The following RIPK4 variants were observed in gnomAD, a reference collection of about 807,000 sequenced individuals.
RIPK4 encodes receptor-interacting serine/threonine-protein kinase 4.
A neutral mutation model predicts 42.9 loss-of-function variants in RIPK4; 17 were observed. The observed-to-expected ratio is 0.40, with a 90% CI of 0.27 to 0.59. The LOEUF (loss-of-function observed/expected upper bound fraction) is 0.59, where lower values mean the gene tolerates loss of function less well. Ranked by LOEUF, RIPK4 falls within the 20% of genes least tolerant of loss-of-function variation. The probability of loss-of-function intolerance (pLI) is 0.47; values close to 1 mark genes in which losing one functional copy is unlikely to be tolerated. For missense variants in RIPK4, 897 were observed against 1,104.4 expected, an observed-to-expected ratio of 0.81 and a Z score of 2.66; for synonymous variants, 498 against 499.1, an observed-to-expected ratio of 1.00 and a Z score of 0.03.
chr21:41,750,190 C>T lies in RIPK4; in HGVS notation c.623+907G>A, dbSNP rs560944635. ...CAAACCAGTCAGCCTGGGCTGCTGGCGGCGGCAGTGACCAAAAGGCAGAGC... is the reference window on the plus strand; with the variant it reads ...CAAACCAGTCAGCCTGGGCTGCTGGTGGCGGCAGTGACCAAAAGGCAGAGC... On this transcript the variant is annotated intron_variant, in intron 3 of 7. Transcript: ENST00000332512. Among the ~76,000 whole-genome samples the T allele has an allele frequency of 2.4e-4, 36 of 152,294 alleles. 1 individual carries two copies. The South Asian group carries it at 2.7e-3, about 11-fold the overall frequency.
Position 41,749,175 on chromosome 21 carries a change from T to C in RIPK4, c.652A>G (p.Thr218Ala). ...TCACCTGCAAACGGCTTCTTCTGTG[T>C]GAGCACGCCCCAGATGACGATCGCA... ...SFAIVIWGVL[T>A]QKKPFADEKN... The change falls in exon 4 of 8, where the codon ACA (threonine) becomes GCA (alanine). Residue 218 changes from threonine (T) to alanine (A), a missense_variant. Thr to Ala is a moderately conservative substitution (Grantham distance 58, BLOSUM62 0). Coordinates refer to ENST00000332512, the MANE Select transcript of RIPK4 (RefSeq NM_020639.3). 6.2e-7 allele frequency: 1 copy of C among 1,613,886 alleles called. No homozygotes were observed. Among genetic ancestry groups the C allele is most frequent in the African/African-American group, 1.3e-5 (1 of 75,016 alleles).
rs556540129 is a variant in RIPK4, at chr21:41,762,076, C to T, written c.182+4784G>A. Among the ~76,000 whole-genome samples the T allele has an allele frequency of 1.5e-3, 224 of 152,328 alleles. 1 individual carries two copies. The highest frequency in any genetic ancestry group is 5.2e-3 in the African/African-American group (216 of 41,572). ...GCGGATCCCGGCTAGAATCTCCTAA[C>T]GGAGTCCACCCCAGCTTTGCGCAAC... On this transcript the variant is annotated intron_variant, in intron 1 of 7. Coordinates refer to ENST00000332512, the MANE Select transcript of RIPK4 (RefSeq NM_020639.3).
intron 2 of RIPK4, among the ~76,000 whole-genome samples, chr21:41,752,734 T>C (rs887676949): frequency 2.0e-5 from 3 of 152,208 alleles, no homozygotes; most frequent in Admixed American, 2.0e-4. Flanking sequence ...CAGTCATCAG[T>C]GGCTTGAAAG....
chr21:41,746,019 T>G (rs2061169638), intron 5 of RIPK4, 157 bp from the exon 6 acceptor site: 2 of 745,054 alleles, frequency 2.7e-6, no homozygotes, highest in Non-Finnish European at 4.9e-6. Flanking sequence ...ACATGGACAA[T>G]TTGCTGGCCA....
chr21:41,766,949 G>A lies in RIPK4; in HGVS notation c.93C>T (p.Gly31=). 3 of 1,609,208 alleles carry A rather than the reference G, an allele frequency of 1.9e-6. No individual in the cohort carries two copies. Among genetic ancestry groups the A allele is most frequent in the Non-Finnish European group, 2.5e-6 (3 of 1,178,202 alleles). Residue 31 remains glycine (G), a synonymous_variant, in exon 1 of 8, where the codon GGC becomes GGT. Transcript: ENST00000332512. ...GCACCTTGTACACCTGCCCGAAGCC[G>A]CCCGAGCCCACCTTCTCCCAGCCCG... ...EFTGWEKVGS[G]GFGQVYKVRH...
intron 2 of RIPK4, among the ~76,000 whole-genome samples, chr21:41,752,971 A>G (rs1420607234): frequency 6.6e-6 from 1 of 152,214 alleles, no homozygotes; most frequent in Admixed American, 6.5e-5. Context: ...CACATTCTGC[A>G]CATGTATCCC....
rs140853685 is a variant in RIPK4, at chr21:41,741,520, C to A, written c.1673G>T (p.Arg558Leu). 1 of 1,612,436 alleles carries A rather than the reference C, an allele frequency of 6.2e-7. No homozygotes were observed. The change falls in exon 8 of 8, where the codon CGC becomes CTC. Residue 558 changes from arginine (R) to leucine (L), a missense_variant. By Grantham distance (102) the Arg-to-Leu change is moderately radical. Transcript: ENST00000332512. ...GQENIVRILL[R>L]RGVDVSLQGK... The stretch of plus-strand genomic sequence containing the variant: ...CTGCAGGCTCACGTCCACGCCTCGG[C>A]GCAGCAGGATGCGCACGATATTCTC...
intron 1 of RIPK4, 100 bp downstream of exon 1, chr21:41,766,760 T>TGAGTTCGGGAGAGAGAGGCAG (rs2061238392): frequency 1.6e-6 from 2 of 1,241,210 alleles, no homozygotes; most frequent in Admixed American, 5.1e-5. Context: ...GCTCCGGGGG[T>TGAGTTCGGGAGAGAGAGGCAG]GAGTTCGGGA....
chr21:41,764,305 A>G (rs1407896708), intron 1 of RIPK4, among the ~76,000 whole-genome samples: 1 of 152,136 alleles, frequency 6.6e-6, no homozygotes, highest in East Asian at 1.9e-4. Context: ...GAGACCCCAG[A>G]CCACCTTGAG....
At chr21:41,759,521 G>T (rs989187595) in intron 1 of RIPK4, among the ~76,000 whole-genome samples, 5 of 152,172 alleles carry the variant, frequency 3.3e-5, no homozygotes, top group Non-Finnish European at 7.3e-5. Context: ...AAGGCAGCTG[G>T]CTGGGGTGGC....
chr21:41,766,070 G>A (rs2061235163), intron 1 of RIPK4, among the ~76,000 whole-genome samples: 1 of 152,278 alleles, frequency 6.6e-6, no homozygotes, highest in Non-Finnish European at 1.5e-5. Context: ...CTGGGGTGCA[G>A]GAGGGCCCCA....
At chr21:41,746,276 G>A (rs1253062533) in intron 5 of RIPK4, 2 of 578,792 alleles carry the variant, frequency 3.5e-6, no homozygotes, top group Admixed American at 2.6e-5. Flanking sequence ...GAAGGGCGAC[G>A]CCGCCGGCCA....
chr21:41,748,791 T>C (rs1052634181), intron 4 of RIPK4, among the ~76,000 whole-genome samples: 1 of 152,258 alleles, frequency 6.6e-6, no homozygotes, highest in African/African-American at 2.4e-5. Flanking sequence ...GACTGCAGAA[T>C]GGCCATGGGC....
chr21:41,755,310 G>A lies in RIPK4; in HGVS notation c.474+1215C>T, dbSNP rs1159750521. Among the ~76,000 whole-genome samples the A allele has an allele frequency of 6.6e-6, 1 of 152,116 alleles. No homozygotes were observed. Among genetic ancestry groups the A allele is most frequent in the Admixed American group, 6.5e-5 (1 of 15,274 alleles). ...ATCTTCTAGCTGAAATCTTATTACT[G>A]CGCAACACCTACCTAAGAGACAACT... On this transcript the variant is annotated intron_variant, in intron 2 of 7. Coordinates refer to ENST00000332512, the MANE Select transcript of RIPK4 (RefSeq NM_020639.3). This position sits in a 1 kb window ranked among gnomAD's most constrained non-coding sequence, Gnocchi z 4.2.
rs2061145865 is a variant in RIPK4, at chr21:41,739,526, G to A, written c.*1312C>T. 6.6e-6 allele frequency: 1 copy of A among 152,186 alleles called. No homozygotes were observed. Among genetic ancestry groups the A allele is most frequent in the Non-Finnish European group, 1.5e-5 (1 of 68,040 alleles). 9.4% of individuals were successfully genotyped at this position (152,186 alleles called of 1,614,324 possible). On this transcript the variant is annotated 3_prime_UTR_variant, in exon 8 of 8. Transcript: ENST00000332512. The stretch of plus-strand genomic sequence containing the variant: ...ATTTCCTGCCATGGAAAAGTATCCT[G>A]CCCACAGATTCACATTAACATACAT...
At position 41,746,096 on chromosome 21, in the gene RIPK4, G is replaced by A. The variant is rs1332427303; in HGVS notation, c.833-234C>T. 18 of 699,346 alleles carry A rather than the reference G, an allele frequency of 2.6e-5. 1 individual carries two copies. Among genetic ancestry groups the A allele is most frequent in the South Asian group, 2.5e-4 (17 of 68,814 alleles). 43.3% of individuals were successfully genotyped at this position (699,346 alleles called of 1,614,324 possible). On this transcript the variant is annotated intron_variant, in intron 5 of 7. Transcript: ENST00000332512. Reference sequence around the variant, plus strand: ...AGACTCAAGGCGGAAGCCTTCCCCGGGGGAGCGCCACCTGCCAGTCACAGG... The same window carrying A: ...AGACTCAAGGCGGAAGCCTTCCCCGAGGGAGCGCCACCTGCCAGTCACAGG...
rs1265908166 is a variant in RIPK4 at position 41,756,760 on chromosome 21, T to C, written c.239A>G (p.Tyr80Cys). The change falls in exon 2 of 8, where the codon TAC becomes TGC. Residue 80 changes from tyrosine to cysteine, a missense_variant. Coordinates refer to ENST00000332512, the MANE Select transcript of RIPK4 (RefSeq NM_020639.3). The stretch of plus-strand genomic sequence containing the variant: ...GCAGATGCCATACACAGGCAGGATG[T>C]AGCGAAACTTGGCCATCTCCATCTT... ...AKKMEMAKFR[Y>C]ILPVYGICRE... 1 of 1,614,130 alleles carries C rather than the reference T, an allele frequency of 6.2e-7. No individual in the cohort carries two copies. Among genetic ancestry groups the C allele is most frequent in the Non-Finnish European group, 8.5e-7 (1 of 1,179,956 alleles).
chr21:41,762,988 G>A lies in RIPK4; in HGVS notation c.182+3872C>T, dbSNP rs145241782. Reference sequence around the variant, plus strand: ...AAACACAACCTAAAAACTGTGCCTTGCTCCAAGCGCAGCTACGCTTAGGCA... The same window carrying A: ...AAACACAACCTAAAAACTGTGCCTTACTCCAAGCGCAGCTACGCTTAGGCA... On this transcript the variant is annotated intron_variant, in intron 1 of 7. Coordinates refer to ENST00000332512, the MANE Select transcript of RIPK4 (RefSeq NM_020639.3). 4.6e-5 allele frequency among the ~76,000 whole-genome samples: 7 copies of A among 152,256 alleles called. No individual in the cohort carries two copies. The East Asian group carries it at 1.4e-3, about 29-fold the overall frequency.
Position 41,745,855 on chromosome 21 carries a change from A to C in RIPK4, c.840T>G (p.Thr280=), listed in dbSNP as rs1292256603. The change falls in exon 6 of 8, where the codon ACT becomes ACG. Residue 280 remains threonine (T), a synonymous_variant. Coordinates refer to ENST00000332512, the MANE Select transcript of RIPK4 (RefSeq NM_020639.3). ...PRVRPTFQEI[T]SETEDLCEKP... Reference sequence around the variant, plus strand: ...TTTCACACAGGTCCTCGGTTTCAGAAGTAATTTCTTGTGGGGAAGAAAGGG... The same window carrying C: ...TTTCACACAGGTCCTCGGTTTCAGACGTAATTTCTTGTGGGGAAGAAAGGG... 4 of 1,613,516 alleles carry C rather than the reference A, an allele frequency of 2.5e-6. No individual in the cohort carries two copies. In the South Asian group the frequency reaches 4.4e-5, roughly 18 times the overall value.
Sources: allele counts gnomAD v4.1 joint callset (sites outside exome capture counted in the v4.1 genomes callset), GRCh38; gene constraint gnomAD v4.1.1; non-coding constraint Gnocchi (gnomAD v3.1); transcripts MANE v1.5; gene names NCBI Gene and HGNC (gene_info 2026-07-23, HGNC 2026-07-21).